The following WARS2 variants were observed in gnomAD, a reference collection of about 807,000 sequenced individuals.
WARS2 encodes tryptophan--tRNA ligase, mitochondrial.
In WARS2, 28 loss-of-function variants were observed where a neutral mutation model predicts 36.5. The observed-to-expected ratio is 0.77, with a 90% CI of 0.57 to 1.05. The LOEUF is 1.05. Among genes scored for constraint, WARS2 ranks in the 50% least tolerant of loss-of-function variants. The pLI, the probability that WARS2 is intolerant of heterozygous loss-of-function variation, is 0.00. For synonymous variants in WARS2, 174 were observed against 178.4 expected, an observed-to-expected ratio of 0.98 and a Z score of 0.20; for missense variants, 435 against 456.8, an observed-to-expected ratio of 0.95 and a Z score of 0.44.
In WARS2 at chr1:119,127,699, C is replaced by A. The variant is rs866506885; in HGVS notation, c.90+12856G>T. Among the ~76,000 whole-genome samples, 3 of 152,162 alleles carry A rather than the reference C, an allele frequency of 2.0e-5. No individual in the cohort carries two copies. In the East Asian group the frequency reaches 5.8e-4, roughly 29 times the overall value. On this transcript the variant is annotated intron_variant, in intron 1 of 5. Transcript: ENST00000235521. ...TCCCACACTATTCTCAGCAAACTTACCTAGACCCACACCTACCTCTACCTT... is the reference window on the plus strand; with the variant it reads ...TCCCACACTATTCTCAGCAAACTTAACTAGACCCACACCTACCTCTACCTT...
chr1:119,043,856 C>T (rs1296331182), intron 3 of WARS2, among the ~76,000 whole-genome samples: 2 of 152,076 alleles, frequency 1.3e-5, no homozygotes, highest in Non-Finnish European at 1.5e-5. Flanking sequence ...ATATATGTTA[C>T]TCATTAATCC....
intron 1 of WARS2, among the ~76,000 whole-genome samples, chr1:119,096,789 T>TA (rs1428871092): frequency 6.6e-6 from 1 of 152,206 alleles, no homozygotes; most frequent in Non-Finnish European, 1.5e-5. Context: ...TGTTTCCATT[T>TA]AAAAAATCAA....
intron 1 of WARS2, among the ~76,000 whole-genome samples, chr1:119,099,133 C>T (rs1452358813): frequency 6.6e-6 from 1 of 152,070 alleles, no homozygotes; most frequent in East Asian, 1.9e-4. Flanking sequence ...TAGTTTTGCC[C>T]TTAGCTAGAG....
chr1:119,052,815 A>G (rs760310918), intron 2 of WARS2, among the ~76,000 whole-genome samples: 5 of 152,200 alleles, frequency 3.3e-5, no homozygotes, highest in Non-Finnish European at 4.4e-5. Context: ...TAGCTTGGCT[A>G]TAATTCTGCT....
intron 2 of WARS2, among the ~76,000 whole-genome samples, chr1:119,055,113 G>GA (rs1176274796): frequency 6.6e-6 from 1 of 152,178 alleles, no homozygotes; most frequent in South Asian, 2.1e-4. Context: ...TCTCAAGTTG[G>GA]AAAAAATGGT....
At chr1:119,068,531 T>C (rs1452241289) in intron 2 of WARS2, among the ~76,000 whole-genome samples, 1 of 152,172 alleles carries the variant, frequency 6.6e-6, no homozygotes, top group Non-Finnish European at 1.5e-5. Flanking sequence ...CTTGGTCTCT[T>C]TGGACCCTCG....
chr1:119,045,102 C>T (rs1199835628), intron 3 of WARS2, among the ~76,000 whole-genome samples: 3 of 152,174 alleles, frequency 2.0e-5, no homozygotes, highest in African/African-American at 7.2e-5. Flanking sequence ...CTTGGTTGAA[C>T]TTCTTACAAA....
chr1:119,044,299 CAGG>C (rs1648614627), intron 3 of WARS2, among the ~76,000 whole-genome samples: 1 of 152,142 alleles, frequency 6.6e-6, no homozygotes, highest in Non-Finnish European at 1.5e-5. Context: ...AATATACTAG[CAGG>C]AGATCTTTAG....
intron 1 of WARS2, among the ~76,000 whole-genome samples, chr1:119,113,327 A>T (rs1444392197): frequency 2.6e-5 from 4 of 152,110 alleles, no homozygotes; most frequent in Non-Finnish European, 5.9e-5. Flanking sequence ...TAAGAGTCAT[A>T]TGCCCAAGCA....
At chr1:119,079,951 A>ATAATTCC (rs1652064435) in intron 1 of WARS2, among the ~76,000 whole-genome samples, 1 of 152,228 alleles carries the variant, frequency 6.6e-6, no homozygotes, top group Non-Finnish European at 1.5e-5. Context: ...TATTTTTAAA[A>ATAATTCC]TAATTCCTAC....
chr1:119,096,410 T>C (rs77547785), intron 1 of WARS2, among the ~76,000 whole-genome samples: 1,538 of 152,300 alleles, frequency 0.01, 25 homozygotes, highest in African/African-American at 0.035. Context: ...AGCGAAATAT[T>C]TACCATATCC....
chr1:119,121,731 TA>T (rs910468072), intron 1 of WARS2, among the ~76,000 whole-genome samples: 8 of 151,978 alleles, frequency 5.3e-5, no homozygotes, highest in Non-Finnish European at 1.5e-5. Flanking sequence ...AACCCAGAAA[TA>T]AAGCTTAATA....
intron 2 of WARS2, among the ~76,000 whole-genome samples, chr1:119,049,947 T>TA (rs1649198160): frequency 2.6e-5 from 4 of 152,210 alleles, no homozygotes; most frequent in Admixed American, 2.0e-4. Flanking sequence ...ATTCTTACCA[T>TA]ACCAGCCTAA....
At chr1:119,080,130 A>G (rs754214168) in intron 1 of WARS2, among the ~76,000 whole-genome samples, 7 of 152,228 alleles carry the variant, frequency 4.6e-5, no homozygotes, top group Middle Eastern at 3.4e-3. Context: ...CTGATTGATG[A>G]AGAGAGAAAG....
intron 1 of WARS2, among the ~76,000 whole-genome samples, chr1:119,102,768 T>C (rs925170443): frequency 6.6e-6 from 1 of 152,216 alleles, no homozygotes; most frequent in Non-Finnish European, 1.5e-5. Context: ...ACAGAATTAC[T>C]AAAGCTCTTC....
intron 1 of WARS2, among the ~76,000 whole-genome samples, chr1:119,078,352 A>C (rs587645659): frequency 3.3e-5 from 5 of 152,334 alleles, no homozygotes; most frequent in Non-Finnish European, 7.4e-5. Context: ...TCTAGTGTAT[A>C]TATCTAGGAG....
Position 119,076,551 on chromosome 1 carries a change from C to T in WARS2, c.147G>A (p.Leu49=), listed in dbSNP as rs139975529. The T allele has an allele frequency of 3.7e-6, 6 of 1,614,016 alleles. No homozygotes were observed. The African/African-American group carries it at 8.0e-5, about 22-fold the overall frequency. ...SGIQPTGILH[L]GNYLGAIESW... ...TCTCAATGGCTCCCAGGTAATTGCC[C>T]AGGTGGAGGATTCCTGTAGGTTGAA... is the stretch of plus-strand genomic sequence containing the variant. The change falls in exon 2 of 6, where the codon CTG becomes CTA. Residue 49 remains leucine, a synonymous_variant. Transcript: ENST00000235521.
At chr1:119,095,825 T>C (rs1199866784) in intron 1 of WARS2, among the ~76,000 whole-genome samples, 2 of 152,178 alleles carry the variant, frequency 1.3e-5, no homozygotes, top group Admixed American at 1.3e-4. Flanking sequence ...GCAATCTATA[T>C]AGAGATGCAG....
intron 1 of WARS2, among the ~76,000 whole-genome samples, chr1:119,076,888 C>T (rs61808895): frequency 0.13 from 18,992 of 151,822 alleles, 1,334 homozygotes; most frequent in South Asian, 0.16. Context: ...GCCTGTAATC[C>T]CGACACTTTG....
Sources: allele counts gnomAD v4.1 joint callset (sites outside exome capture counted in the v4.1 genomes callset), GRCh38; gene constraint gnomAD v4.1.1; transcripts MANE v1.5; gene names NCBI Gene and HGNC (gene_info 2026-07-23, HGNC 2026-07-21).